The following FRMD6 variants were observed in gnomAD, a reference collection of about 807,000 sequenced individuals.
FRMD6 encodes FERM domain containing 6, also known as FERM domain-containing protein 6.
A neutral mutation model predicts 73.2 loss-of-function variants in FRMD6; 37 were observed. That is an observed-to-expected ratio of 0.51 (90% CI 0.39 to 0.66). The LOEUF is 0.66. Ranked by LOEUF, FRMD6 falls within the 30% of genes least tolerant of loss-of-function variation. The pLI is 0.00. For synonymous variants in FRMD6, 273 were observed against 282.2 expected (o/e 0.97, Z 0.33); for missense variants, 714 against 780.5 (o/e 0.91, Z 1.02).
intron 1 of FRMD6, among the ~76,000 whole-genome samples, chr14:51,669,134 T>A (rs1283403423): frequency 6.6e-6 from 1 of 152,126 alleles, no homozygotes; most frequent in Non-Finnish European, 1.5e-5. Context: ...CAGCTCCTTT[T>A]TAGTCAGTCT....
At chr14:51,524,383 A>T (rs1488047661) in intron 1 of FRMD6, among the ~76,000 whole-genome samples, 1 of 152,078 alleles carries the variant, frequency 6.6e-6, no homozygotes, top group Admixed American at 6.6e-5. Flanking sequence ...ATTATATCGT[A>T]TTTATTTTCT....
At chr14:51,639,544 G>T (rs117419402) in intron 2 of FRMD6, among the ~76,000 whole-genome samples, 2,179 of 152,138 alleles carry the variant, frequency 0.014, 15 homozygotes, top group Non-Finnish European at 0.021. Flanking sequence ...AATTATGATG[G>T]TACCTATTTC....
intron 2 of FRMD6, among the ~76,000 whole-genome samples, chr14:51,633,470 C>T (rs1891416480): frequency 6.6e-6 from 1 of 151,304 alleles, no homozygotes; most frequent in South Asian, 2.1e-4. Context: ...GGCATGGTGA[C>T]TCATGCCTGT....
chr14:51,674,888 C>T (rs1309881453), intron 1 of FRMD6, among the ~76,000 whole-genome samples: 2 of 152,078 alleles, frequency 1.3e-5, no homozygotes, highest in East Asian at 3.9e-4. Flanking sequence ...GTTACTCATT[C>T]CTGGATTTTG....
At chr14:51,585,939 G>GTGTGTGTATATATATATATATATATA in intron 2 of FRMD6, among the ~76,000 whole-genome samples, 2 of 31,416 alleles carry the variant, frequency 6.4e-5, no homozygotes, top group Non-Finnish European at 1.9e-4. Context: ...GTGTGTGTGT[G>GTGTGTGTATATATATATATATATATA]TATATATATA....
chr14:51,505,141 G>T (rs1883879222), intron 1 of FRMD6, among the ~76,000 whole-genome samples: 1 of 152,174 alleles, frequency 6.6e-6, no homozygotes, highest in South Asian at 2.1e-4. Context: ...GGACTTGAGA[G>T]AACTAAGAAA....
At chr14:51,610,885 C>T (rs1467242076) in intron 2 of FRMD6, among the ~76,000 whole-genome samples, 3 of 152,162 alleles carry the variant, frequency 2.0e-5, no homozygotes, top group Admixed American at 6.5e-5. Flanking sequence ...CAACTGATGG[C>T]TATGACTTTG....
intron 2 of FRMD6, among the ~76,000 whole-genome samples, chr14:51,597,923 G>A (rs1022327252): frequency 1.3e-5 from 2 of 152,170 alleles, no homozygotes; most frequent in African/African-American, 4.8e-5. Flanking sequence ...GGAAGAGACT[G>A]AGGCCTGGAA....
Position 51,503,954 on chromosome 14 carries a change from T to C in FRMD6, c.-210+14534T>C, listed in dbSNP as rs138563315. ...GGGATTCAATTTCTTCCTGGTTCAA[T>C]CTTGGGAGGGTGTATGTGTCCAGGA... On this transcript the variant is annotated intron_variant, in intron 1 of 14. Transcript: ENST00000356218. 4.5e-3 allele frequency among the ~76,000 whole-genome samples: 692 copies of C among 152,242 alleles called. 6 individuals are homozygous for C. The highest frequency in any genetic ancestry group is 0.016 in the African/African-American group (664 of 41,536).
chr14:51,407,673 A>G, the FRMD6 span, among the ~76,000 whole-genome samples: 3 of 152,008 alleles, frequency 2.0e-5, no homozygotes, highest in Admixed American at 2.0e-4. Flanking sequence ...AGACTTAAAA[A>G]ATTCAGTTTA....
At chr14:51,443,692 C>A in the FRMD6 span, among the ~76,000 whole-genome samples, 5 of 152,174 alleles carry the variant, frequency 3.3e-5, no homozygotes, top group South Asian at 1.0e-3. Context: ...CTTGCTGCAG[C>A]CTCCATCCCC....
the FRMD6 span, among the ~76,000 whole-genome samples, chr14:51,443,189 C>T: frequency 2.6e-5 from 4 of 152,314 alleles, no homozygotes; most frequent in East Asian, 7.7e-4. Flanking sequence ...CAGTCTTTTC[C>T]AATCTAATGT....
chr14:51,717,958 A>G (rs897034174), intron 10 of FRMD6, among the ~76,000 whole-genome samples: 1 of 152,180 alleles, frequency 6.6e-6, no homozygotes, highest in African/African-American at 2.4e-5. Flanking sequence ...AAGTATTCAC[A>G]TTTACTGCAT....
chr14:51,537,110 G>A (rs1242245376), intron 1 of FRMD6, among the ~76,000 whole-genome samples: 2 of 152,180 alleles, frequency 1.3e-5, no homozygotes, highest in African/African-American at 4.8e-5. Context: ...GTACAATGAT[G>A]TGTATCCACC....
chr14:51,509,275 G>A (rs1884149038), intron 1 of FRMD6, among the ~76,000 whole-genome samples: 1 of 152,168 alleles, frequency 6.6e-6, no homozygotes, highest in Non-Finnish European at 1.5e-5. Context: ...TGTAATCCCA[G>A]CACTTTGGGA....
chr14:51,691,636 C>G (rs1318609934), intron 2 of FRMD6, among the ~76,000 whole-genome samples: 1 of 125,238 alleles, frequency 8.0e-6, no homozygotes, highest in Non-Finnish European at 1.6e-5. Context: ...TCTCTGCTGT[C>G]CAGGCTGCAG....
the FRMD6 span, among the ~76,000 whole-genome samples, chr14:51,400,493 A>C: frequency 5.9e-5 from 9 of 152,214 alleles, no homozygotes; most frequent in East Asian, 1.5e-3. Context: ...GTCCATTATC[A>C]CCTAATTAAT....
At chr14:51,641,520 T>C (rs2140031384) in intron 2 of FRMD6, among the ~76,000 whole-genome samples, 1 of 152,270 alleles carries the variant, frequency 6.6e-6, no homozygotes, top group African/African-American at 2.4e-5. Context: ...ACTGAACGTC[T>C]TGGGGCTGTG....
the FRMD6 span, among the ~76,000 whole-genome samples, chr14:51,445,502 C>T: frequency 8.4e-5 from 11 of 130,336 alleles, no homozygotes; most frequent in Non-Finnish European, 1.3e-4. Flanking sequence ...AACAAATCTC[C>T]ATGATCATAA....
Sources: allele counts gnomAD v4.1 joint callset (sites outside exome capture counted in the v4.1 genomes callset), GRCh38; gene constraint gnomAD v4.1.1; transcripts MANE v1.5; gene names NCBI Gene and HGNC (gene_info 2026-07-23, HGNC 2026-07-21).